DIAPH3: variants seen among roughly 807,000 people sequenced by gnomAD.
DIAPH3 encodes diaphanous related formin 3.
DIAPH3 carries 117 observed loss-of-function variants against 144.3 expected under a neutral mutation model. The ratio of observed to expected loss-of-function variants is 0.81; its 90% CI spans 0.70 to 0.95. The LOEUF is 0.95. Ranked by LOEUF, DIAPH3 falls within the 40% of genes least tolerant of loss-of-function variation. The pLI is 0.00. For synonymous variants in DIAPH3, 519 were observed against 488.9 expected, an observed-to-expected ratio of 1.06 and a Z score of -0.81; for missense variants, 1,421 against 1,412.7, an observed-to-expected ratio of 1.01 and a Z score of -0.09.
Position 60,162,962 on chromosome 13 carries a change from A to G in DIAPH3, c.180+625T>C, listed in dbSNP as rs185739874. ...GATTTATTTACACACACAAACCCCA[A>G]AATAATCATCACTGCCTATACTTTC... is the stretch of plus-strand genomic sequence containing the variant. On this transcript the variant is annotated intron_variant, in intron 1 of 27. Coordinates refer to ENST00000400324, the MANE Select transcript of DIAPH3 (RefSeq NM_001042517.2). Among the ~76,000 whole-genome samples, 499 of 152,254 alleles carry G rather than the reference A, an allele frequency of 3.3e-3. 2 individuals carry two copies. Among genetic ancestry groups the G allele is most frequent in the African/African-American group, 0.011 (459 of 41,526 alleles).
At chr13:59,967,148 C>T (rs942935107) in intron 17 of DIAPH3, among the ~76,000 whole-genome samples, 2 of 152,044 alleles carry the variant, frequency 1.3e-5, no homozygotes, top group African/African-American at 2.4e-5. Flanking sequence ...CTCGCTGCAA[C>T]CTCTGCCTCC....
At chr13:60,042,234 G>T (rs1286547547) in intron 5 of DIAPH3, among the ~76,000 whole-genome samples, 2 of 151,950 alleles carry the variant, frequency 1.3e-5, no homozygotes, top group Admixed American at 1.3e-4. Flanking sequence ...AATATTTCTG[G>T]TCATTCTGTA....
chr13:59,753,919 T>C (rs1195788901), intron 27 of DIAPH3, among the ~76,000 whole-genome samples: 1 of 152,122 alleles, frequency 6.6e-6, no homozygotes, highest in Non-Finnish European at 1.5e-5. Context: ...CAAAAGAAGA[T>C]AAAGTATATA....
chr13:59,882,127 C>A (rs2045096567), intron 20 of DIAPH3, among the ~76,000 whole-genome samples: 2 of 152,222 alleles, frequency 1.3e-5, no homozygotes, highest in South Asian at 4.2e-4. Flanking sequence ...CTCACTCTGT[C>A]ACCCAGGCTG....
At chr13:60,069,837 G>A (rs2057130812) in intron 4 of DIAPH3, among the ~76,000 whole-genome samples, 1 of 152,022 alleles carries the variant, frequency 6.6e-6, no homozygotes, top group Admixed American at 6.6e-5. Flanking sequence ...TGGTCTATAT[G>A]TCTGTTTTTG....
intron 3 of DIAPH3, among the ~76,000 whole-genome samples, chr13:60,093,972 G>A (rs1445834363): frequency 6.6e-6 from 1 of 152,146 alleles, no homozygotes; most frequent in Admixed American, 6.5e-5. Flanking sequence ...AAAATTCACA[G>A]CAGGCAAATA....
chr13:60,048,135 G>C (rs1379800258), intron 4 of DIAPH3, among the ~76,000 whole-genome samples: 4 of 152,194 alleles, frequency 2.6e-5, no homozygotes, highest in Non-Finnish European at 5.9e-5. Flanking sequence ...TTTATAGTGA[G>C]CAGTAATAGG....
At chr13:60,136,492 A>C (rs865925379) in intron 1 of DIAPH3, among the ~76,000 whole-genome samples, 1 of 149,912 alleles carries the variant, frequency 6.7e-6, no homozygotes, top group Non-Finnish European at 1.5e-5. Flanking sequence ...AAAAAAAAAA[A>C]GTTAGAAGCA....
chr13:59,757,161 GTTA>G (rs1174714319), intron 27 of DIAPH3, among the ~76,000 whole-genome samples: 1 of 152,026 alleles, frequency 6.6e-6, no homozygotes, highest in African/African-American at 2.4e-5. Flanking sequence ...CACATCCAGT[GTTA>G]TTGAGAATTA....
intron 4 of DIAPH3, among the ~76,000 whole-genome samples, chr13:60,089,085 A>G (rs1332443836): frequency 1.3e-5 from 2 of 152,204 alleles, no homozygotes; most frequent in East Asian, 3.8e-4. Context: ...TTTTTCTCAC[A>G]TTATCCAGAA....
intron 27 of DIAPH3, among the ~76,000 whole-genome samples, chr13:59,675,717 G>A (rs926230552): frequency 3.3e-5 from 5 of 152,186 alleles, no homozygotes; most frequent in African/African-American, 1.2e-4. Flanking sequence ...TTGAGGTTTA[G>A]AGAAGTCCAT....
intron 25 of DIAPH3, among the ~76,000 whole-genome samples, chr13:59,782,137 G>C (rs1593838063): frequency 6.7e-6 from 1 of 149,144 alleles, no homozygotes; most frequent in Admixed American, 6.7e-5. Context: ...TTGGGGTAAA[G>C]AAAAAAAAAC....
chr13:59,695,240 G>A (rs918720875), intron 27 of DIAPH3: 2 of 152,200 alleles, frequency 1.3e-5, no homozygotes, highest in Non-Finnish European at 2.9e-5. Flanking sequence ...CCTGGTTGTA[G>A]CTGATATTTA....
chr13:59,839,246 C>A (rs1201766435), intron 23 of DIAPH3, 78 bp downstream of exon 23: 45 of 1,569,476 alleles, frequency 2.9e-5, no homozygotes, highest in Non-Finnish European at 3.5e-5. Flanking sequence ...TCTGGTTACA[C>A]AAAGACATCT....
intron 1 of DIAPH3, chr13:60,144,583 C>A (rs940100937): frequency 1.2e-4 from 18 of 152,210 alleles, no homozygotes; most frequent in African/African-American, 4.3e-4. Flanking sequence ...ATCAAATCTC[C>A]ATTTTCCCAG....
At chr13:59,674,368 G>A (rs533988374) in intron 27 of DIAPH3, among the ~76,000 whole-genome samples, 2 of 152,144 alleles carry the variant, frequency 1.3e-5, no homozygotes, top group African/African-American at 4.8e-5. Flanking sequence ...TTCAGGCAGA[G>A]CCAGAGACAG....
chr13:59,848,620 T>C (rs2139836679), intron 22 of DIAPH3, among the ~76,000 whole-genome samples: 1 of 130,544 alleles, frequency 7.7e-6, no homozygotes, highest in Non-Finnish European at 1.6e-5. Context: ...TCCAATTTCA[T>C]CCATGTCCCT....
At chr13:60,101,777 T>C (rs961075524) in intron 3 of DIAPH3, among the ~76,000 whole-genome samples, 21 of 152,230 alleles carry the variant, frequency 1.4e-4, no homozygotes, top group Non-Finnish European at 2.1e-4. Context: ...ATAATCCTTA[T>C]CTCTGACCTC....
Position 59,992,067 on chromosome 13 carries a change from T to G in DIAPH3, c.1244+1A>C. On this transcript the variant is annotated splice_donor_variant, in intron 11 of 27. Coordinates refer to ENST00000400324, the MANE Select transcript of DIAPH3 (RefSeq NM_001042517.2). LOFTEE classifies it high-confidence loss of function. ...GACTAGACTTCAGAACAAAAGGATATTCAAGTTCAGCTCTAATATCTTCAA... is the reference window on the plus strand; with the variant it reads ...GACTAGACTTCAGAACAAAAGGATAGTCAAGTTCAGCTCTAATATCTTCAA... The G allele has an allele frequency of 6.2e-7, 1 of 1,608,846 alleles. No homozygotes were observed. Among genetic ancestry groups the G allele is most frequent in the Non-Finnish European group, 8.5e-7 (1 of 1,175,958 alleles).
Sources: allele counts gnomAD v4.1 joint callset (sites outside exome capture counted in the v4.1 genomes callset), GRCh38; gene constraint gnomAD v4.1.1; transcripts MANE v1.5; gene names NCBI Gene and HGNC (gene_info 2026-07-23, HGNC 2026-07-21).